CCDC146: variants seen among roughly 807,000 people sequenced by gnomAD.
CCDC146 encodes coiled-coil domain containing 146.
CCDC146 carries 92 observed loss-of-function variants against 119.3 expected under a neutral mutation model. The ratio of observed to expected loss-of-function variants is 0.77; its 90% CI spans 0.65 to 0.92. The LOEUF (loss-of-function observed/expected upper bound fraction) is 0.92, where lower values mean the gene tolerates loss of function less well. CCDC146 is among the 40% of genes least tolerant of loss of function. The pLI is 0.00. For missense variants in CCDC146, 1,000 were observed against 1,103.0 expected, an observed-to-expected ratio of 0.91 and a Z score of 1.32; for synonymous variants, 372 against 371.8, an observed-to-expected ratio of 1.00 and a Z score of -0.01.
At position 77,259,112 on chromosome 7, in the gene CCDC146, TATGTGTGCACACTAG is replaced by T. The variant is rs144757255; in HGVS notation, c.758+46_758+60del. 7,511 of 1,145,612 alleles carry T rather than the reference TATGTGTGCACACTAG, an allele frequency of 6.6e-3. 289 individuals are homozygous for T. The Admixed American group carries it at 0.086, about 13-fold the overall frequency. The allele number at this position is 1,145,612 out of a possible 1,614,324, so 71.0% of individuals were successfully genotyped here. A position where few individuals can be genotyped will look rare whatever the true frequency, so the allele number is the denominator to read the frequency against. On this transcript the variant is annotated intron_variant, in intron 7 of 18. Transcript: ENST00000285871. ...ACTTTGAATCCCTGCCAGTCCAAGT[TATGTGTGCACACTAG>T]AACAAGAGTACTAACCATTGGACAC...
chr7:77,140,418 C>A (rs549874014), intron 1 of CCDC146, among the ~76,000 whole-genome samples: 1 of 152,188 alleles, frequency 6.6e-6, no homozygotes. Flanking sequence ...TCTGAGATCA[C>A]AGTATTGCTG....
At chr7:77,124,438 G>A (rs542906908) in intron 1 of CCDC146, among the ~76,000 whole-genome samples, 48 of 152,200 alleles carry the variant, frequency 3.2e-4, no homozygotes, top group Non-Finnish European at 5.7e-4. Flanking sequence ...GTTCACATGC[G>A]TCATCTCACT....
At chr7:77,268,928 C>CT (rs1015007538) in intron 9 of CCDC146, among the ~76,000 whole-genome samples, 1 of 152,144 alleles carries the variant, frequency 6.6e-6, no homozygotes, top group Non-Finnish European at 1.5e-5. Context: ...GGATCTCTTA[C>CT]TTGCCTCCAG....
intron 15 of CCDC146, among the ~76,000 whole-genome samples, chr7:77,285,990 C>T (rs182209179): frequency 1.3e-5 from 2 of 152,320 alleles, no homozygotes; most frequent in Admixed American, 1.3e-4. Flanking sequence ...ATGTGAGTTA[C>T]CCTGGTCTCT....
chr7:77,155,516 T>C (rs1791167281), intron 1 of CCDC146, among the ~76,000 whole-genome samples: 1 of 151,856 alleles, frequency 6.6e-6, no homozygotes, highest in African/African-American at 2.4e-5. Context: ...TTGTATGGTA[T>C]AATAGGAAAG....
chr7:77,223,457 G>C (rs1044300140), intron 2 of CCDC146, among the ~76,000 whole-genome samples: 2 of 151,784 alleles, frequency 1.3e-5, no homozygotes, highest in African/African-American at 2.4e-5. Context: ...GGCCACCAAA[G>C]AAGGAACAAA....
intron 1 of CCDC146, among the ~76,000 whole-genome samples, chr7:77,140,665 G>C (rs1394941477): frequency 1.3e-5 from 2 of 152,068 alleles, no homozygotes; most frequent in Non-Finnish European, 2.9e-5. Context: ...TTTGAAGGAC[G>C]CATTCAGTCA....
chr7:77,229,675 T>C (rs912346955), intron 2 of CCDC146, among the ~76,000 whole-genome samples: 2 of 152,186 alleles, frequency 1.3e-5, no homozygotes, highest in Non-Finnish European at 2.9e-5. Flanking sequence ...GGAAAAAAAT[T>C]TTAAGCATGA....
intron 1 of CCDC146, among the ~76,000 whole-genome samples, chr7:77,152,460 A>C (rs1406094553): frequency 6.6e-6 from 1 of 152,180 alleles, no homozygotes; most frequent in Admixed American, 6.5e-5. Flanking sequence ...GAGGCTATGA[A>C]ATTTGTAGAC....
chr7:77,259,658 A>T (rs1185192401), intron 7 of CCDC146, among the ~76,000 whole-genome samples: 1 of 152,240 alleles, frequency 6.6e-6, no homozygotes, highest in African/African-American at 2.4e-5. Flanking sequence ...TCTAAAAACT[A>T]AGCTCACCAA....
At chr7:77,277,065 C>A (rs921384990) in intron 11 of CCDC146, among the ~76,000 whole-genome samples, 1 of 151,920 alleles carries the variant, frequency 6.6e-6, no homozygotes, top group Admixed American at 6.6e-5. Flanking sequence ...GAGCGAGACT[C>A]TGTCTCAAAA....
chr7:77,214,828 A>G (rs1792266620), intron 2 of CCDC146, among the ~76,000 whole-genome samples: 2 of 152,058 alleles, frequency 1.3e-5, no homozygotes, highest in Non-Finnish European at 2.9e-5. Flanking sequence ...TATTTTGGTT[A>G]CTACAGCCTT....
chr7:77,177,876 A>G (rs1791523818), intron 2 of CCDC146, among the ~76,000 whole-genome samples: 1 of 152,196 alleles, frequency 6.6e-6, no homozygotes, highest in African/African-American at 2.4e-5. Flanking sequence ...AAAGAGACGG[A>G]TAGTTTATTG....
At chr7:77,207,802 G>T (rs1244498094) in intron 2 of CCDC146, among the ~76,000 whole-genome samples, 1 of 152,104 alleles carries the variant, frequency 6.6e-6, no homozygotes, top group East Asian at 1.9e-4. Flanking sequence ...AACATTTTAT[G>T]ATTCTAAATG....
intron 2 of CCDC146, chr7:77,199,891 G>T (rs1405823320): frequency 2.1e-6 from 3 of 1,412,300 alleles, no homozygotes; most frequent in South Asian, 2.8e-5. Flanking sequence ...TCCCAGGAAA[G>T]GGTGGGAGCG....
intron 2 of CCDC146, among the ~76,000 whole-genome samples, chr7:77,182,290 G>A (rs1785333392): frequency 6.6e-6 from 1 of 152,088 alleles, no homozygotes; most frequent in African/African-American, 2.4e-5. Flanking sequence ...TGGGTCTTAG[G>A]TCTAGCTTTG....
chr7:77,271,506 A>C (rs1272681209), intron 9 of CCDC146, among the ~76,000 whole-genome samples: 2 of 105,420 alleles, frequency 1.9e-5, no homozygotes, highest in East Asian at 3.0e-4. Context: ...CACACACACT[A>C]ATAGGAGATA....
chr7:77,226,428 T>C (rs756002107), intron 2 of CCDC146, among the ~76,000 whole-genome samples: 15 of 152,264 alleles, frequency 9.9e-5, no homozygotes, highest in Non-Finnish European at 2.1e-4. Context: ...TCTTTCCTCA[T>C]GCTGACCCCC....
Position 77,273,756 on chromosome 7 carries a change from A to G in CCDC146, c.1236A>G (p.Glu412=). The G allele has an allele frequency of 1.2e-5, 20 of 1,611,316 alleles. No individual in the cohort carries two copies. The highest frequency in any genetic ancestry group is 1.7e-5 in the Non-Finnish European group (20 of 1,178,136). Residue 412 remains glutamate (E), a synonymous_variant, in exon 10 of 19, where the codon GAA becomes GAG. Transcript: ENST00000285871. Reference sequence around the variant, plus strand: ...AGAGAAGGCGAGAGCTTCACAAGGAAGTTGAAGTAGCTAAGAGGAATTTGG... The same window carrying G: ...AGAGAAGGCGAGAGCTTCACAAGGAGGTTGAAGTAGCTAAGAGGAATTTGG... ...LSERRRELHK[E]VEVAKRNLAQ...
Sources: gnomAD v4.1 joint callset for allele counts (sites outside exome capture counted in the v4.1 genomes callset) on GRCh38, gnomAD v4.1.1 for gene constraint, MANE v1.5 for transcripts, NCBI Gene and HGNC (gene_info 2026-07-23, HGNC 2026-07-21) for gene names.